The following PSD3 variants were observed in gnomAD, a reference collection of about 807,000 sequenced individuals.
The protein encoded by PSD3 is pleckstrin and Sec7 domain containing 3.
A neutral mutation model predicts 105.5 loss-of-function variants in PSD3; 49 were observed. The ratio of observed to expected loss-of-function variants is 0.46; its 90% confidence interval spans 0.37 to 0.59. The LOEUF (loss-of-function observed/expected upper bound fraction) is 0.59. Ranked by LOEUF, PSD3 falls within the 20% of genes least tolerant of loss-of-function variation. The probability of loss-of-function intolerance (pLI) is 0.00; values close to 1 mark genes in which losing one functional copy is unlikely to be tolerated. For synonymous variants in PSD3, 557 were observed against 457.8 expected (o/e 1.22, Z -2.77); for missense variants, 1,561 against 1,263.8 (o/e 1.24, Z -3.57).
chr8:18,552,981 C>G (rs947299613), intron 15 of PSD3, among the ~76,000 whole-genome samples: 8 of 152,130 alleles, frequency 5.3e-5, no homozygotes, highest in African/African-American at 1.9e-4. Flanking sequence ...ACCAGAATTT[C>G]TGATTATTTA....
chr8:18,832,909 G>T (rs954268865), intron 4 of PSD3, among the ~76,000 whole-genome samples: 2 of 152,036 alleles, frequency 1.3e-5, no homozygotes, highest in Admixed American at 1.3e-4. Context: ...TGACACACGG[G>T]GATTATGGGA....
chr8:18,722,843 A>G (rs1166428717), intron 9 of PSD3, among the ~76,000 whole-genome samples: 1 of 152,166 alleles, frequency 6.6e-6, no homozygotes, highest in Non-Finnish European at 1.5e-5. Flanking sequence ...CTGGAGTACA[A>G]TATGCCCTCC....
At position 19,005,481 on chromosome 8, in the gene PSD3, G is replaced by T. The variant is rs192930729; in HGVS notation, c.21+8082C>A. 2.7e-4 allele frequency among the ~76,000 whole-genome samples: 41 copies of T among 151,894 alleles called. 1 individual carries two copies. In the East Asian group the frequency reaches 7.2e-3, roughly 27 times the overall value. On this transcript the variant is annotated intron_variant, in intron 1 of 15. Coordinates refer to ENST00000327040, the MANE Select transcript of PSD3 (RefSeq NM_015310.4). ...AACTCATGGGTCTGGAATTTTTGGG[G>T]TTTTTTTGTTTTCTTTTGAGACAGG...
chr8:18,686,353 G>A (rs114000592), intron 9 of PSD3, among the ~76,000 whole-genome samples: 7 of 152,232 alleles, frequency 4.6e-5, no homozygotes, highest in African/African-American at 9.6e-5. Context: ...GCAGATTCTC[G>A]CATGAAGTAT....
At position 18,948,911 on chromosome 8, in the gene PSD3, T is replaced by A. The variant is rs1008340963; in HGVS notation, c.22-12769A>T. ...TTAGTTTGCTATATCTCTAGTTCCC[T>A]TAACTTAAAAGTGACCTCTTGGTGG... is the stretch of plus-strand genomic sequence containing the variant. On this transcript the variant is annotated intron_variant, in intron 1 of 15. Coordinates refer to ENST00000327040, the MANE Select transcript of PSD3 (RefSeq NM_015310.4). Among the ~76,000 whole-genome samples, 3 of 152,142 alleles carry A rather than the reference T, an allele frequency of 2.0e-5. No individual in the cohort carries two copies. The East Asian group carries it at 5.8e-4, about 29-fold the overall frequency.
chr8:19,062,255 T>G (rs1828926910), intron 1 of PSD3, among the ~76,000 whole-genome samples: 1 of 152,158 alleles, frequency 6.6e-6, no homozygotes, highest in South Asian at 2.1e-4. Flanking sequence ...GGGGTCTCAG[T>G]TAATTTATGG....
intron 11 of PSD3, among the ~76,000 whole-genome samples, chr8:18,620,321 C>G (rs1249289609): frequency 6.7e-6 from 1 of 149,368 alleles, no homozygotes; most frequent in African/African-American, 2.5e-5. Flanking sequence ...GGACTACTTA[C>G]TGAAGGGTTC....
At chr8:18,988,616 A>G (rs1053471593) in intron 1 of PSD3, among the ~76,000 whole-genome samples, 3 of 152,122 alleles carry the variant, frequency 2.0e-5, no homozygotes, top group Non-Finnish European at 4.4e-5. Flanking sequence ...CCCAATGCCA[A>G]GCTCCTCCAG....
intron 2 of PSD3, among the ~76,000 whole-genome samples, chr8:18,889,108 G>A (rs1448288614): frequency 1.3e-5 from 2 of 150,832 alleles, no homozygotes; most frequent in East Asian, 1.9e-4. Flanking sequence ...CACTTACTTT[G>A]ACTAACCCCC....
At chr8:18,999,352 A>G (rs1397808239) in intron 1 of PSD3, among the ~76,000 whole-genome samples, 4 of 151,808 alleles carry the variant, frequency 2.6e-5, no homozygotes, top group African/African-American at 9.7e-5. Flanking sequence ...GGTGACAGAT[A>G]AAGAAACAGA....
chr8:18,671,192 G>A (rs61517396), intron 9 of PSD3, among the ~76,000 whole-genome samples: 8,884 of 152,156 alleles, frequency 0.058, 762 homozygotes, highest in East Asian at 0.4. Context: ...CTGCTTCTAC[G>A]TCCTAGGAAG....
intron 1 of PSD3, among the ~76,000 whole-genome samples, chr8:18,993,537 A>G (rs757290209): frequency 6.6e-6 from 1 of 152,024 alleles, no homozygotes; most frequent in Non-Finnish European, 1.5e-5. Context: ...GCAGATAGTA[A>G]CCTCTCAATA....
At chr8:18,840,582 C>T (rs781272662) in intron 4 of PSD3, among the ~76,000 whole-genome samples, 26 of 152,166 alleles carry the variant, frequency 1.7e-4, no homozygotes, top group Non-Finnish European at 2.9e-4. Flanking sequence ...AACAATCCTG[C>T]GAAGTAGGTA....
chr8:18,704,880 T>C (rs1801798805), intron 9 of PSD3, among the ~76,000 whole-genome samples: 2 of 152,044 alleles, frequency 1.3e-5, no homozygotes, highest in Non-Finnish European at 2.9e-5. Context: ...TAAAAAGGTT[T>C]TGGAGATCAA....
At chr8:18,954,563 C>CA (rs1823441416) in intron 1 of PSD3, among the ~76,000 whole-genome samples, 1 of 151,924 alleles carries the variant, frequency 6.6e-6, no homozygotes, top group South Asian at 2.1e-4. Context: ...CCATCCATCA[C>CA]AAAAAAGAGT....
chr8:18,911,268 G>A (rs567258008), intron 2 of PSD3, among the ~76,000 whole-genome samples: 1 of 152,176 alleles, frequency 6.6e-6, no homozygotes, highest in Admixed American at 6.5e-5. Context: ...TAAAGCCAGA[G>A]AAGTTAAATA....
intron 10 of PSD3, among the ~76,000 whole-genome samples, chr8:18,649,107 T>C (rs1808278281): frequency 6.6e-6 from 1 of 152,168 alleles, no homozygotes; most frequent in South Asian, 2.1e-4. Flanking sequence ...AATGGGTCAC[T>C]GCTTAGTGGA....
chr8:18,715,964 G>C (rs915504920), intron 9 of PSD3, among the ~76,000 whole-genome samples: 5 of 152,156 alleles, frequency 3.3e-5, no homozygotes, highest in African/African-American at 1.2e-4. Context: ...GCTAACAAAG[G>C]AATAAGCAAA....
intron 1 of PSD3, among the ~76,000 whole-genome samples, chr8:19,071,917 T>A (rs1291919227): frequency 1.3e-5 from 2 of 151,750 alleles, no homozygotes; most frequent in African/African-American, 4.8e-5. Flanking sequence ...ACTATGTTGG[T>A]CAGGCTGGTC....
Sources: gnomAD v4.1 joint callset for allele counts (sites outside exome capture counted in the v4.1 genomes callset) on GRCh38, gnomAD v4.1.1 for gene constraint, MANE v1.5 for transcripts, NCBI Gene and HGNC (gene_info 2026-07-23, HGNC 2026-07-21) for gene names.